The following ARB2A variants were observed in gnomAD, a reference collection of about 807,000 sequenced individuals.
ARB2A encodes the protein ARB2 cotranscriptional regulator A.
At chr5:93,904,969 A>G in the ARB2A span, among the ~76,000 whole-genome samples, 254 of 151,868 alleles carry the variant, frequency 1.7e-3, 1 homozygote, top group Non-Finnish European at 2.5e-3. Flanking sequence ...AAGATAATAA[A>G]GACTACAGAG....
At chr5:93,953,651 T>C in the ARB2A span, among the ~76,000 whole-genome samples, 16 of 152,206 alleles carry the variant, frequency 1.1e-4, no homozygotes, top group South Asian at 3.3e-3. Context: ...ACTGCCTAAC[T>C]ACCACCTGTG....
chr5:93,630,888 T>G, the ARB2A span, among the ~76,000 whole-genome samples: 1 of 151,912 alleles, frequency 6.6e-6, no homozygotes, highest in African/African-American at 2.4e-5. Context: ...GGAAGTAAAC[T>G]TATTCCTTTT....
chr5:93,721,606 T>C, the ARB2A span, among the ~76,000 whole-genome samples: 1 of 152,188 alleles, frequency 6.6e-6, no homozygotes, highest in Non-Finnish European at 1.5e-5. Flanking sequence ...ATGCTAGGTA[T>C]TGCTGAGATC....
At chr5:93,712,311 G>A in the ARB2A span, among the ~76,000 whole-genome samples, 1,325 of 152,272 alleles carry the variant, frequency 8.7e-3, 24 homozygotes, top group African/African-American at 0.03. Context: ...AGGGGAGTCT[G>A]CAGATTAAGT....
chr5:93,946,094 G>A, the ARB2A span, among the ~76,000 whole-genome samples: 1 of 152,084 alleles, frequency 6.6e-6, no homozygotes, highest in Non-Finnish European at 1.5e-5. Context: ...AGAAATGCAA[G>A]GGTTCAAAAA....
chr5:93,938,239 T>C, the ARB2A span, among the ~76,000 whole-genome samples: 1 of 152,174 alleles, frequency 6.6e-6, no homozygotes, highest in African/African-American at 2.4e-5. Context: ...AAATACCTAA[T>C]AGGCAAATTC....
chr5:93,809,426 T>C, the ARB2A span, among the ~76,000 whole-genome samples: 2 of 152,020 alleles, frequency 1.3e-5, no homozygotes, highest in Non-Finnish European at 2.9e-5. Context: ...CTATGTAGGA[T>C]AAACAAAGCT....
At chr5:93,775,394 A>G in the ARB2A span, among the ~76,000 whole-genome samples, 2 of 152,216 alleles carry the variant, frequency 1.3e-5, no homozygotes, top group African/African-American at 2.4e-5. Flanking sequence ...GCTATCAGTT[A>G]TAACGAGATG....
chr5:93,999,109 A>G, the ARB2A span, among the ~76,000 whole-genome samples: 1 of 152,064 alleles, frequency 6.6e-6, no homozygotes, highest in Non-Finnish European at 1.5e-5. Context: ...ATTAAACTTT[A>G]TAACATAGAA....
At chr5:93,845,981 T>C in the ARB2A span, among the ~76,000 whole-genome samples, 1 of 138,278 alleles carries the variant, frequency 7.2e-6, no homozygotes, top group East Asian at 2.2e-4. Flanking sequence ...GAGAACATAT[T>C]TTCTCTCTCT....
At chr5:93,818,449 G>A in the ARB2A span, among the ~76,000 whole-genome samples, 4 of 152,170 alleles carry the variant, frequency 2.6e-5, no homozygotes, top group Non-Finnish European at 4.4e-5. Flanking sequence ...ATTATATCTT[G>A]ATAAAAGTAT....
chr5:93,919,161 T>C, the ARB2A span, among the ~76,000 whole-genome samples: 1 of 152,144 alleles, frequency 6.6e-6, no homozygotes, highest in African/African-American at 2.4e-5. Context: ...TAAATTTACT[T>C]CAACTGTGTA....
the ARB2A span, among the ~76,000 whole-genome samples, chr5:94,099,793 T>A: frequency 6.6e-6 from 1 of 151,806 alleles, no homozygotes; most frequent in Non-Finnish European, 1.5e-5. Context: ...GGAACATACC[T>A]CAAAATAAGA....
chr5:93,740,118 T>C, the ARB2A span: 1 of 153,422 alleles, frequency 6.5e-6, no homozygotes, highest in African/African-American at 2.4e-5. Flanking sequence ...ATAACTATTA[T>C]CCTGGATTTT....
the ARB2A span, among the ~76,000 whole-genome samples, chr5:93,970,409 TTAA>T: frequency 6.6e-6 from 1 of 152,154 alleles, no homozygotes; most frequent in Non-Finnish European, 1.5e-5. Flanking sequence ...AGTATCTGAA[TTAA>T]TAAAATATGA....
the ARB2A span, among the ~76,000 whole-genome samples, chr5:93,796,706 A>G: frequency 1.3e-5 from 2 of 152,190 alleles, no homozygotes; most frequent in Non-Finnish European, 2.9e-5. Context: ...TTAAATGAAC[A>G]CTTCCCAACC....
At chr5:93,789,955 T>G in the ARB2A span, among the ~76,000 whole-genome samples, 3 of 152,208 alleles carry the variant, frequency 2.0e-5, no homozygotes, top group African/African-American at 7.2e-5. Flanking sequence ...CAGATGAGTA[T>G]GACATTCAAC....
At chr5:93,708,995 C>T in the ARB2A span, among the ~76,000 whole-genome samples, 1,479 of 152,054 alleles carry the variant, frequency 9.7e-3, 23 homozygotes, top group African/African-American at 0.034. Context: ...TTGAAATTTG[C>T]TAAGAAAGTA....
At chr5:93,785,656 C>A in the ARB2A span, among the ~76,000 whole-genome samples, 1 of 152,038 alleles carries the variant, frequency 6.6e-6, no homozygotes, top group Non-Finnish European at 1.5e-5. Context: ...CTAATGGGAA[C>A]CCAACTCACT....
Sources: gnomAD v4.1 joint callset for allele counts (sites outside exome capture counted in the v4.1 genomes callset) on GRCh38, gnomAD v4.1.1 for gene constraint, MANE v1.5 for transcripts, NCBI Gene and HGNC (gene_info 2026-07-23, HGNC 2026-07-21) for gene names.